The following ZNF821 variants were observed in gnomAD, a reference collection of about 807,000 sequenced individuals.
The protein encoded by ZNF821 is zinc finger protein 821.
In ZNF821, 16 loss-of-function variants were observed where a neutral mutation model predicts 44.3. The observed-to-expected ratio is 0.36, with a 90% CI of 0.24 to 0.55. ZNF821 has a LOEUF of 0.55. Among genes scored for constraint, ZNF821 ranks in the 20% least tolerant of loss-of-function variants. ZNF821 has a pLI of 0.86. For missense variants in ZNF821, 436 were observed against 547.6 expected (o/e 0.80, Z 2.03); for synonymous variants, 204 against 197.6 (o/e 1.03, Z -0.27).
At chr16:71,887,856 CTTT>C (rs555295344), upstream of ZNF821, among the ~76,000 whole-genome samples, 7 of 133,618 alleles carry the variant, frequency 5.2e-5, no homozygotes, top group Non-Finnish European at 3.3e-5. Flanking sequence ...ATTGAGTTGT[CTTT>C]TTTTTTTTTT....
rs974311494 is a variant in ZNF821 at position 71,892,311 on chromosome 16, G to A, written n.448+2578C>T. On this transcript the variant is annotated intron_variant and non_coding_transcript_variant, in intron 1 of 2. Coordinates refer to the ZNF821 transcript ENST00000561700. ...AGACAGAGTCTCCCTCTGTCACCCAGGCTGGAGGGCAGGGGCGCGATCTCG... is the reference window on the plus strand; with the variant it reads ...AGACAGAGTCTCCCTCTGTCACCCAAGCTGGAGGGCAGGGGCGCGATCTCG... Among the ~76,000 whole-genome samples the A allele has an allele frequency of 3.3e-5, 5 of 149,846 alleles. No homozygotes were observed. The East Asian group carries it at 1.0e-3, about 30-fold the overall frequency.
intron 4 of ZNF821, among the ~76,000 whole-genome samples, chr16:71,865,790 A>C (rs1376355600): frequency 6.6e-6 from 1 of 152,210 alleles, no homozygotes; most frequent in East Asian, 1.9e-4. Flanking sequence ...CGAATGCATT[A>C]AGTGGAAGGA....
At chr16:71,882,430 C>T (rs1387187464) in intron 2 of ZNF821, among the ~76,000 whole-genome samples, 1 of 151,906 alleles carries the variant, frequency 6.6e-6, no homozygotes, top group Non-Finnish European at 1.5e-5. Flanking sequence ...GAAACTGAAA[C>T]TGTAAGATAA....
chr16:71,862,851 C>T (rs187672072), intron 6 of ZNF821, among the ~76,000 whole-genome samples: 36 of 152,146 alleles, frequency 2.4e-4, no homozygotes, highest in Non-Finnish European at 4.3e-4. Flanking sequence ...GTCTGGTATT[C>T]GGATCCCCTG....
At chr16:71,863,398 TCTC>T (rs2034142500) in intron 6 of ZNF821, among the ~76,000 whole-genome samples, 1 of 112,890 alleles carries the variant, frequency 8.9e-6, no homozygotes, top group Non-Finnish European at 1.7e-5. Flanking sequence ...TGGAGCAGAA[TCTC>T]TTTTTTTTTT....
chr16:71,881,173 T>C (rs1364825281), intron 2 of ZNF821: 2 of 152,250 alleles, frequency 1.3e-5, no homozygotes, highest in Non-Finnish European at 2.9e-5. Flanking sequence ...TCATAGTTTA[T>C]TGCCTTAAGA....
chr16:71,890,360 G>A (rs2036878387), intron 1 of ZNF821, among the ~76,000 whole-genome samples: 1 of 150,064 alleles, frequency 6.7e-6, no homozygotes. Flanking sequence ...CTTACACAAT[G>A]TGTAGTACTT....
chr16:71,876,880 C>T (rs2035880215), intron 3 of ZNF821, among the ~76,000 whole-genome samples: 1 of 152,196 alleles, frequency 6.6e-6, no homozygotes. Context: ...GTTGGGATTA[C>T]AGGCATGAGC....
upstream of ZNF821, among the ~76,000 whole-genome samples, chr16:71,887,883 G>T (rs898731924): frequency 2.0e-5 from 3 of 148,572 alleles, no homozygotes; most frequent in Non-Finnish European, 4.5e-5. Flanking sequence ...TGGAATCAGG[G>T]TCTCACTCTG....
At chr16:71,873,715 G>A (rs1020360381) in intron 3 of ZNF821, among the ~76,000 whole-genome samples, 2 of 152,056 alleles carry the variant, frequency 1.3e-5, no homozygotes, top group African/African-American at 4.8e-5. Flanking sequence ...GTGCAGTGGT[G>A]CAATCATAGC....
Position 71,893,318 on chromosome 16 carries a change from C to T in ZNF821, n.448+1571G>A, listed in dbSNP as rs200313249. Reference sequence around the variant, plus strand: ...CTGGGATTACAGGCGTGAGCCACCGCGCCCGGCCAATTTTTTGTATTTTTA... The same window carrying T: ...CTGGGATTACAGGCGTGAGCCACCGTGCCCGGCCAATTTTTTGTATTTTTA... On this transcript the variant is annotated intron_variant and non_coding_transcript_variant, in intron 1 of 2. Transcript: ENST00000561700. 3.7e-4 allele frequency among the ~76,000 whole-genome samples: 56 copies of T among 151,084 alleles called. 2 individuals are homozygous for T. In the East Asian group the frequency reaches 0.011, roughly 29 times the overall value.
At chr16:71,877,505 C>T (rs2035949546) in intron 3 of ZNF821, among the ~76,000 whole-genome samples, 1 of 152,170 alleles carries the variant, frequency 6.6e-6, no homozygotes, top group African/African-American at 2.4e-5. Context: ...TGCAATCCTC[C>T]TGCCTTGGCC....
intron 1 of ZNF821, 79 bp from the exon 2 acceptor site, chr16:71,883,352 G>A (rs1490333673): frequency 2.6e-6 from 1 of 381,326 alleles, no homozygotes; most frequent in East Asian, 7.2e-5. Context: ...TGGGTCTGGG[G>A]CGTGTCTAAT....
chr16:71,860,034 C>G lies in ZNF821; in HGVS notation c.1223G>C (p.Ser408Thr). The change falls in exon 8 of 8, where the codon AGC (serine) becomes ACC (threonine). Residue 408 changes from serine to threonine, a missense_variant. By Grantham distance (58) the Ser-to-Thr change is moderately conservative. Transcript: ENST00000425432. This position sits in a 1 kb window ranked among gnomAD's most constrained non-coding sequence, Gnocchi z 7.3. ...LGKMAFEEQN[S>T]SSLH ...GGGTGTGGTTCAGTGCAGAGAGCTG[C>G]TGTTCTGCTCTTCAAAGGCCATCTT... 1 of 1,607,716 alleles carries G rather than the reference C, an allele frequency of 6.2e-7. No individual in the cohort carries two copies. Among genetic ancestry groups the G allele is most frequent in the Non-Finnish European group, 8.5e-7 (1 of 1,177,164 alleles).
intron 3 of ZNF821, among the ~76,000 whole-genome samples, chr16:71,876,508 T>C (rs2035835350): frequency 6.6e-6 from 1 of 151,948 alleles, no homozygotes; most frequent in African/African-American, 2.4e-5. Context: ...GCCCGGCCAC[T>C]TGTGTCTTTT....
At chr16:71,877,890 A>C (rs192252938) in intron 3 of ZNF821, among the ~76,000 whole-genome samples, 4,821 of 150,404 alleles carry the variant, frequency 0.032, 117 homozygotes, top group Non-Finnish European at 0.051. Flanking sequence ...ACTGCACTCC[A>C]GCCTGGGCAA....
intron 1 of ZNF821, chr16:71,894,805 G>A (rs549463802): frequency 9.8e-6 from 15 of 1,530,352 alleles, no homozygotes; most frequent in South Asian, 1.2e-5. Context: ...AAAGTGCTGG[G>A]AAGGTCCCTT....
intron 1 of ZNF821, chr16:71,894,673 T>C: frequency 1.8e-6 from 1 of 566,706 alleles, no homozygotes; most frequent in African/African-American, 1.9e-5. Flanking sequence ...CCACAAGTGC[T>C]CACTGCTGCT....
chr16:71,883,374 G>T (rs2036627021), intron 1 of ZNF821, 101 bp from the exon 2 acceptor site: 1 of 360,722 alleles, frequency 2.8e-6, no homozygotes, highest in Non-Finnish European at 5.5e-6. Context: ...AGCCGAGATG[G>T]TCCCTCTGCT....
Sources: allele counts gnomAD v4.1 joint callset (sites outside exome capture counted in the v4.1 genomes callset), GRCh38; gene constraint gnomAD v4.1.1; non-coding constraint Gnocchi (gnomAD v3.1); transcripts MANE v1.5; gene names NCBI Gene and HGNC (gene_info 2026-07-23, HGNC 2026-07-21).